Variants in NEDD9 observed in about 807,000 individuals in gnomAD.
The protein encoded by NEDD9 is neural precursor cell expressed, developmentally down-regulated 9.
NEDD9 carries 26 observed loss-of-function variants against 76.6 expected under a neutral mutation model. That is an observed-to-expected ratio of 0.34 (90% CI 0.25 to 0.47). NEDD9 has a LOEUF of 0.47. Ranked by LOEUF, NEDD9 falls within the 20% of genes least tolerant of loss-of-function variation. The probability of loss-of-function intolerance (pLI) is 1.00; values close to 1 mark genes in which losing one functional copy is unlikely to be tolerated. For missense variants in NEDD9, 937 were observed against 1,058.5 expected (o/e 0.89, Z 1.59); for synonymous variants, 392 against 414.2 (o/e 0.95, Z 0.65).
chr6:11,279,191 T>G (rs1262529061), intron 3 of NEDD9, among the ~76,000 whole-genome samples: 1 of 152,226 alleles, frequency 6.6e-6, no homozygotes, highest in Non-Finnish European at 1.5e-5. Flanking sequence ...AAGATTCACT[T>G]AAAATATGAT....
At chr6:11,321,291 G>T (rs182293816) in intron 2 of NEDD9, among the ~76,000 whole-genome samples, 1 of 152,128 alleles carries the variant, frequency 6.6e-6, no homozygotes, top group African/African-American at 2.4e-5. Flanking sequence ...AAAAGCGAAG[G>T]CCACCAGCAG....
intron 2 of NEDD9, among the ~76,000 whole-genome samples, chr6:11,331,984 G>A (rs958155847): frequency 1.3e-5 from 2 of 152,194 alleles, no homozygotes; most frequent in East Asian, 1.9e-4. Context: ...GAGTGCAATG[G>A]CTGATTATTG....
intron 1 of NEDD9, among the ~76,000 whole-genome samples, chr6:11,226,504 ATGATCTAAACAT>A (rs999417803): frequency 2.3e-4 from 35 of 152,202 alleles, no homozygotes; most frequent in African/African-American, 8.2e-4. Context: ...TGACCCTAAA[ATGATCTAAACAT>A]AGACAACCAA....
intron 2 of NEDD9, among the ~76,000 whole-genome samples, chr6:11,311,136 C>A (rs915924600): frequency 6.6e-6 from 1 of 152,132 alleles, no homozygotes; most frequent in South Asian, 2.1e-4. Context: ...TCAGCTCACA[C>A]GGCCTTCATC....
chr6:11,346,560 G>T (rs1282932772), intron 1 of NEDD9, among the ~76,000 whole-genome samples: 4 of 151,678 alleles, frequency 2.6e-5, no homozygotes, highest in Admixed American at 1.3e-4. Context: ...AGAATTCCCA[G>T]GCAAAGATGT....
chr6:11,207,883 G>A (rs1214411219), intron 2 of NEDD9, among the ~76,000 whole-genome samples: 1 of 152,152 alleles, frequency 6.6e-6, no homozygotes, highest in African/African-American at 2.4e-5. Flanking sequence ...CTGCCCCTCA[G>A]TAGAAAAAGT....
At chr6:11,238,317 T>C (rs752177304) in intron 3 of NEDD9, among the ~76,000 whole-genome samples, 1 of 152,244 alleles carries the variant, frequency 6.6e-6, no homozygotes, top group Non-Finnish European at 1.5e-5. Context: ...CCAGGCTTTC[T>C]GGTTTCTGAG....
intron 2 of NEDD9, among the ~76,000 whole-genome samples, chr6:11,324,159 G>C (rs1337757888): frequency 6.6e-6 from 1 of 152,204 alleles, no homozygotes; most frequent in Non-Finnish European, 1.5e-5. Flanking sequence ...TGGCTTCCGT[G>C]ATTCCCTTGC....
At chr6:11,321,359 C>T (rs1042800407) in intron 2 of NEDD9, among the ~76,000 whole-genome samples, 3 of 152,056 alleles carry the variant, frequency 2.0e-5, no homozygotes, top group Admixed American at 1.3e-4. Flanking sequence ...GAATTCCCTG[C>T]GCATAGTGTG....
In NEDD9 at chr6:11,365,774, T is replaced by C. The variant is rs1327890008; in HGVS notation, c.-214+16365A>G. Among the ~76,000 whole-genome samples, 3 of 145,620 alleles carry C rather than the reference T, an allele frequency of 2.1e-5. No homozygotes were observed. The East Asian group carries it at 6.3e-4, about 31-fold the overall frequency. On this transcript the variant is annotated intron_variant, in intron 1 of 3. Coordinates refer to the NEDD9 transcript ENST00000397378. ...GGAGGCCGAGGTGGGCGGATCACTT[T>C]GAGCTCAGGAATTCAAGACTAGCCT... is the stretch of plus-strand genomic sequence containing the variant.
At chr6:11,227,862 G>T (rs1221435123) in intron 1 of NEDD9, among the ~76,000 whole-genome samples, 4 of 152,126 alleles carry the variant, frequency 2.6e-5, no homozygotes, top group Non-Finnish European at 5.9e-5. Context: ...GGAGACACAG[G>T]TTTCAGAGTT....
chr6:11,333,174 C>A lies in NEDD9; in HGVS notation c.-153+1327G>T, dbSNP rs571632247. Among the ~76,000 whole-genome samples the A allele has an allele frequency of 5.3e-5, 8 of 152,168 alleles. No homozygotes were observed. The South Asian group carries it at 1.7e-3, about 32-fold the overall frequency. On this transcript the variant is annotated intron_variant, in intron 2 of 3. Coordinates refer to the NEDD9 transcript ENST00000397378. ...CATTTTTTTCCGAGGCTTTGTCTAT[C>A]AGCACAAAGAAGAAAGTGAAATATA...
chr6:11,316,965 G>A (rs1181516230), intron 2 of NEDD9, among the ~76,000 whole-genome samples: 1 of 152,202 alleles, frequency 6.6e-6, no homozygotes, highest in Non-Finnish European at 1.5e-5. Flanking sequence ...GGCATGTTAA[G>A]TTCCAGTTTC....
At chr6:11,186,767 G>A (rs569098469) in intron 6 of NEDD9, among the ~76,000 whole-genome samples, 26 of 152,230 alleles carry the variant, frequency 1.7e-4, no homozygotes, top group Admixed American at 1.4e-3. Flanking sequence ...ACAGGCGCCC[G>A]CCACCATGCC....
chr6:11,294,006 AGT>A (rs57803150), intron 3 of NEDD9, among the ~76,000 whole-genome samples: 12 of 151,058 alleles, frequency 7.9e-5, no homozygotes, highest in South Asian at 4.2e-4. Context: ...CCATTGTGTA[AGT>A]GTGTGTGTGT....
At chr6:11,306,801 G>A (rs760260045) in intron 2 of NEDD9, among the ~76,000 whole-genome samples, 8 of 152,192 alleles carry the variant, frequency 5.3e-5, no homozygotes, top group Non-Finnish European at 1.2e-4. Flanking sequence ...TTTTGGAAAT[G>A]TGGCTTTTAA....
intron 1 of NEDD9, among the ~76,000 whole-genome samples, chr6:11,368,359 T>C (rs900665337): frequency 6.6e-6 from 1 of 152,256 alleles, no homozygotes; most frequent in Admixed American, 6.5e-5. Context: ...TTGTTTATAT[T>C]TTAAGAGTAA....
intron 2 of NEDD9, among the ~76,000 whole-genome samples, chr6:11,322,994 T>C (rs16871254): frequency 0.036 from 5,456 of 152,306 alleles, 329 homozygotes; most frequent in African/African-American, 0.12. Flanking sequence ...TTTATAGGAA[T>C]TTTTTATAAG....
intron 3 of NEDD9, among the ~76,000 whole-genome samples, chr6:11,293,954 C>A (rs376168912): frequency 2.0e-5 from 3 of 151,806 alleles, no homozygotes; most frequent in African/African-American, 7.3e-5. Flanking sequence ...CACATTGTCA[C>A]AAATGACAGG....
Sources: allele counts gnomAD v4.1 joint callset (sites outside exome capture counted in the v4.1 genomes callset), GRCh38; gene constraint gnomAD v4.1.1; transcripts MANE v1.5; gene names NCBI Gene and HGNC (gene_info 2026-07-23, HGNC 2026-07-21).